Variants in DHX30 observed in about 807,000 individuals in gnomAD.
DHX30 encodes the protein ATP-dependent RNA helicase DHX30.
In DHX30, 4 loss-of-function variants were observed where a neutral mutation model predicts 116.9. That is an observed-to-expected ratio of 0.03 (90% CI 0.02 to 0.08). The LOEUF is 0.08. Ranked by LOEUF, DHX30 falls within the 10% of genes least tolerant of loss-of-function variation. DHX30 has a pLI of 1.00. For missense variants in DHX30, 871 were observed against 1,595.1 expected (o/e 0.55, Z 7.73); for synonymous variants, 697 against 651.7 (o/e 1.07, Z -1.06).
At chr3:47,833,784 G>A (rs1223111653) in intron 6 of DHX30, among the ~76,000 whole-genome samples, 1 of 151,920 alleles carries the variant, frequency 6.6e-6, no homozygotes, top group Non-Finnish European at 1.5e-5. Flanking sequence ...GTTGAACCCA[G>A]GATGCAGAGG....
chr3:47,828,669 G>C (rs557481238), intron 5 of DHX30, among the ~76,000 whole-genome samples: 2 of 152,012 alleles, frequency 1.3e-5, no homozygotes, highest in East Asian at 3.9e-4. Context: ...TACTTGGGAG[G>C]CTGAGGCAGG....
At chr3:47,819,408 T>A in intron 4 of DHX30, 4 of 746,750 alleles carry the variant, frequency 5.4e-6, no homozygotes, top group Non-Finnish European at 6.5e-6. Context: ...TTGCTGCCTC[T>A]GGGGCAGCCC....
intron 4 of DHX30, 89 bp downstream of exon 4, chr3:47,818,206 A>C (rs554029096): frequency 1.4e-6 from 1 of 712,200 alleles, no homozygotes; most frequent in South Asian, 1.5e-5. Context: ...CCAGGGCCAC[A>C]GCCCTCCAGA....
Position 47,850,021 on chromosome 3 carries a change from C to T in DHX30, c.3486C>T (p.Pro1162=), listed in dbSNP as rs1461048102. ...SLRSELAALP[P]SVQEEHGQLL... ...GCAGCGAGCTGGCTGCACTTCCCCC[C>T]AGCGTACAGGAGGAGCACGGGCAGC... The change falls in exon 22 of 22, where the codon CCC becomes CCT. Residue 1162 remains proline, a synonymous_variant. Coordinates refer to ENST00000445061, the MANE Select transcript of DHX30 (RefSeq NM_138615.3). 1.9e-6 allele frequency: 3 copies of T among 1,610,330 alleles called. No individual in the cohort carries two copies. The highest frequency in any genetic ancestry group is 1.7e-6 in the Non-Finnish European group (2 of 1,179,094).
intron 3 of DHX30, among the ~76,000 whole-genome samples, chr3:47,810,952 CT>C (rs578008214): frequency 3.8e-4 from 55 of 146,362 alleles, no homozygotes; most frequent in African/African-American, 4.0e-4. Flanking sequence ...TATTAAAATC[CT>C]TTTTTTTTTT....
In DHX30 at chr3:47,846,704, G is replaced by A. The variant is rs757697804; in HGVS notation, c.1632G>A (p.Leu544=). The change falls in exon 11 of 22, where the codon CTG becomes CTA. Residue 544 remains leucine (L), a synonymous_variant. Transcript: ENST00000445061. ...FCTVGILLRK[L]QSNPSLEGVS... ...CTGTGGGTATCCTGCTGCGTAAGCT[G>A]CAGAGCAACCCCAGCCTGGAGGGCG... is the stretch of plus-strand genomic sequence containing the variant. The A allele has an allele frequency of 6.2e-7, 1 of 1,614,070 alleles. No individual in the cohort carries two copies. Among genetic ancestry groups the A allele is most frequent in the Non-Finnish European group, 8.5e-7 (1 of 1,180,038 alleles).
intron 4 of DHX30, among the ~76,000 whole-genome samples, chr3:47,824,041 C>T (rs2036421833): frequency 7.8e-6 from 1 of 127,950 alleles, no homozygotes; most frequent in Admixed American, 9.7e-5. Flanking sequence ...CTTGCTCTGT[C>T]ACCCAGGCTG....
At chr3:47,837,676 G>T (rs563408687) in intron 6 of DHX30, among the ~76,000 whole-genome samples, 2 of 152,306 alleles carry the variant, frequency 1.3e-5, no homozygotes, top group Admixed American at 6.5e-5. Context: ...CAGGAGAATC[G>T]CTTGAACCTG....
At chr3:47,839,581 A>G (rs916054374) in intron 6 of DHX30, among the ~76,000 whole-genome samples, 1 of 152,078 alleles carries the variant, frequency 6.6e-6, no homozygotes, top group African/African-American at 2.4e-5. Flanking sequence ...TGCGTGAGCC[A>G]CCGTGCCCAG....
chr3:47,840,565 G>A (rs1213184225), intron 6 of DHX30, among the ~76,000 whole-genome samples: 3 of 152,042 alleles, frequency 2.0e-5, no homozygotes, highest in Non-Finnish European at 4.4e-5. Flanking sequence ...GAGCCCAGGA[G>A]GCAGAGGTTG....
rs760656853 is a variant in DHX30, at chr3:47,846,367, C to T, written c.1295C>T (p.Pro432Leu). The change falls in exon 11 of 22, where the codon CCC (proline) becomes CTC (leucine). Residue 432 changes from proline to leucine, a missense_variant. Physicochemically the swap from Pro to Leu is moderately conservative, Grantham distance 98 (BLOSUM62 -3). Around this residue, in one of 13 missense-constraint regions of DHX30, gnomAD observed 175 missense variants for 292.9 expected, o/e 0.60. Coordinates refer to ENST00000445061, the MANE Select transcript of DHX30 (RefSeq NM_138615.3). ...CGAGGGCCGGTCTGGCAGGAGGCCC[C>T]CCAGCTACCTGTGGACCCACATCGG... ...RRRGPVWQEAPQLPVDPHRDT... is the reference protein window; with the variant it reads ...RRRGPVWQEALQLPVDPHRDT... 2 of 1,614,076 alleles carry T rather than the reference C, an allele frequency of 1.2e-6. No homozygotes were observed. Among genetic ancestry groups the T allele is most frequent in the South Asian group, 2.2e-5 (2 of 91,088 alleles).
intron 3 of DHX30, among the ~76,000 whole-genome samples, 199 bp from the exon 4 acceptor site, chr3:47,817,823 A>G (rs1302209365): frequency 6.6e-6 from 1 of 152,142 alleles, no homozygotes; most frequent in East Asian, 1.9e-4. Context: ...GCTGTCACAT[A>G]TCACATCATA....
chr3:47,831,990 A>C lies in DHX30; in HGVS notation c.366+2856A>C, dbSNP rs867143232. Among the ~76,000 whole-genome samples, 15 of 129,276 alleles carry C rather than the reference A, an allele frequency of 1.2e-4. No individual in the cohort carries two copies. The South Asian group carries it at 1.4e-3, about 12-fold the overall frequency. The allele number at this position is 129,276 out of a possible 152,430, so 84.8% of individuals were successfully genotyped here. A position where few individuals can be genotyped will look rare whatever the true frequency, so the allele number is the denominator to read the frequency against. Reference sequence around the variant, plus strand: ...GTCTTGGCATTTTCCTTATTGTTGAATCTTGAACTATTCTTAATGAATGGT... The same window carrying C: ...GTCTTGGCATTTTCCTTATTGTTGACTCTTGAACTATTCTTAATGAATGGT... On this transcript the variant is annotated intron_variant, in intron 6 of 21. Transcript: ENST00000445061.
chr3:47,827,187 C>G (rs1009611887), intron 4 of DHX30, among the ~76,000 whole-genome samples, 160 bp from the exon 5 acceptor site: 2 of 152,008 alleles, frequency 1.3e-5, no homozygotes, highest in Admixed American at 6.6e-5. Context: ...CCCTGTAAAC[C>G]CTGAAGTCAT....
chr3:47,824,152 G>A (rs1214691784), intron 4 of DHX30, among the ~76,000 whole-genome samples: 1 of 151,900 alleles, frequency 6.6e-6, no homozygotes, highest in Non-Finnish European at 1.5e-5. Context: ...ACAGGCGCGC[G>A]ACACTATGCC....
At position 47,848,326 on chromosome 3, in the gene DHX30, C is replaced by T; in HGVS notation, c.2433C>T (p.Ile811=). The part of the protein sequence containing the change: ...EKMVPFQVPE[I]LRTPLENLVL... ...TGGTCCCTTTCCAAGTGCCAGAGAT[C>T]CTGCGCACACCTCTTGAGAACCTGG... The change falls in exon 15 of 22, where the codon ATC becomes ATT. Residue 811 remains isoleucine (I), a synonymous_variant. Transcript: ENST00000445061. The surrounding 1 kb of genome is among the most constrained non-coding windows in gnomAD (Gnocchi z 9.4). 6.2e-7 allele frequency: 1 copy of T among 1,614,090 alleles called. No homozygotes were observed. Among genetic ancestry groups the T allele is most frequent in the Non-Finnish European group, 8.5e-7 (1 of 1,180,034 alleles).
intron 6 of DHX30, among the ~76,000 whole-genome samples, chr3:47,840,083 G>T (rs1391984347): frequency 1.3e-5 from 2 of 150,008 alleles, no homozygotes; most frequent in African/African-American, 4.9e-5. Flanking sequence ...TGCAAGCTCC[G>T]CCTCCCAGGT....
intron 4 of DHX30, chr3:47,824,714 C>G (rs2036463630): frequency 3.9e-6 from 1 of 256,938 alleles, no homozygotes. Context: ...GAACTAACTT[C>G]GCTTCCTTAG....
intron 6 of DHX30, among the ~76,000 whole-genome samples, chr3:47,832,024 G>T (rs2036883480): frequency 6.7e-6 from 1 of 149,242 alleles, no homozygotes; most frequent in African/African-American, 2.5e-5. Context: ...GTTATATCTG[G>T]AGGGGCTGAT....
Sources: allele counts gnomAD v4.1 joint callset (sites outside exome capture counted in the v4.1 genomes callset), GRCh38; gene constraint gnomAD v4.1.1; regional missense constraint gnomAD v4.1.1; non-coding constraint Gnocchi (gnomAD v3.1); transcripts MANE v1.5; gene names NCBI Gene and HGNC (gene_info 2026-07-23, HGNC 2026-07-21).